RCOR2: variants seen among roughly 807,000 people sequenced by gnomAD.
RCOR2 encodes REST corepressor 2.
In RCOR2, 19 loss-of-function variants were observed where a neutral mutation model predicts 58.9. That is an observed-to-expected ratio of 0.32 (90% confidence interval 0.23 to 0.47). The LOEUF is 0.47. Among genes scored for constraint, RCOR2 ranks in the 20% least tolerant of loss-of-function variants. The pLI, the probability that RCOR2 is intolerant of heterozygous loss-of-function variation, is 1.00. For synonymous variants in RCOR2, 286 were observed against 278.7 expected (o/e 1.03, Z -0.26); for missense variants, 590 against 707.9 (o/e 0.83, Z 1.89).
rs1382727406 is a variant in RCOR2, at chr11:63,916,597, G to C, written c.-141C>G. ...GAGAGGCAGGAGGTCAGCGTGGCTA[G>C]GGTCCGGCGGGGTGGGAGCCCACCT... On this transcript the variant is annotated 5_prime_UTR_variant, in exon 1 of 12. Coordinates refer to ENST00000301459, the MANE Select transcript of RCOR2 (RefSeq NM_173587.4). 1.3e-5 allele frequency: 18 copies of C among 1,374,968 alleles called. No individual in the cohort carries two copies. Among genetic ancestry groups the C allele is most frequent in the Non-Finnish European group, 1.7e-5 (18 of 1,047,294 alleles). The allele number at this position is 1,374,968 out of a possible 1,614,324, so 85.2% of individuals were successfully genotyped here.
At position 63,914,063 on chromosome 11, in the gene RCOR2, T is replaced by C; in HGVS notation, c.782A>G (p.Lys261Arg). Residue 261 changes from lysine to arginine, a missense_variant, in exon 8 of 12, where the codon AAG becomes AGG. This residue lies in a region of RCOR2 where 390 missense variants were observed against 478.7 expected (regional missense o/e 0.81). Coordinates refer to ENST00000301459, the MANE Select transcript of RCOR2 (RefSeq NM_173587.4). ...HPLRTRRRPP[K>R]GMYLSPEGLT... Reference sequence around the variant, plus strand: ...GCCTTCAGGGCTCAGGTACATGCCCTTGGGTGGGCGACGCCGGGTTCGCAA... The same window carrying C: ...GCCTTCAGGGCTCAGGTACATGCCCCTGGGTGGGCGACGCCGGGTTCGCAA... The C allele has an allele frequency of 6.2e-7, 1 of 1,613,796 alleles. No homozygotes were observed.
In RCOR2 at chr11:63,914,509, T is replaced by C; in HGVS notation, c.513A>G (p.Lys171=). 6.2e-7 allele frequency: 1 copy of C among 1,613,736 alleles called. No homozygotes were observed. Among genetic ancestry groups the C allele is most frequent in the Non-Finnish European group, 8.5e-7 (1 of 1,180,006 alleles). Residue 171 remains lysine (K), a synonymous_variant, in exon 6 of 12, where the codon AAA becomes AAG. Coordinates refer to ENST00000301459, the MANE Select transcript of RCOR2 (RefSeq NM_173587.4). ...LPDKLIPSLV[K]YYYSWKKTRS... ...GGGTCTTCTTCCAAGAGTAGTAGTA[T>C]TTCACCAGGCTGGGAATCAACTTGT...
intron 2 of RCOR2, 126 bp downstream of exon 2, chr11:63,915,429 G>A: frequency 8.5e-7 from 1 of 1,175,642 alleles, no homozygotes; most frequent in East Asian, 2.6e-5. Flanking sequence ...AACCATGCTG[G>A]GGGGCCACCC....
Position 63,914,321 on chromosome 11 carries a change from G to C in RCOR2, c.615C>G (p.Leu205=), listed in dbSNP as rs375240729. Residue 205 remains leucine, a synonymous_variant, in exon 7 of 12, where the codon CTC becomes CTG. Transcript: ENST00000301459. ...GRKDKEDSDE[L]EEGRGGVSEG... ...CACTCACGCCTCCTCGACCCTCTTC[G>C]AGCTCATCACTGCTGACACAGGGGC... 2.8e-5 allele frequency: 45 copies of C among 1,613,318 alleles called. No individual in the cohort carries two copies. The highest frequency in any genetic ancestry group is 5.3e-5 in the African/African-American group (4 of 74,844).
the RCOR2 span, among the ~76,000 whole-genome samples, chr11:63,926,716 C>T: frequency 6.6e-6 from 1 of 151,740 alleles, no homozygotes; most frequent in African/African-American, 2.4e-5. Context: ...GAACTCCTGA[C>T]CTCACGATCC....
rs1034497330 is a variant in RCOR2, at chr11:63,915,884, T to C, written c.128-273A>G. Among the ~76,000 whole-genome samples the C allele has an allele frequency of 2.0e-5, 3 of 152,302 alleles. No homozygotes were observed. In the East Asian group the frequency reaches 5.8e-4, roughly 29 times the overall value. ...AGCCCAGGCCAAGCAGGGTGCTTTG[T>C]TCCGGGGGAGGGGAGCGGGGTTGGA... On this transcript the variant is annotated intron_variant, in intron 1 of 11. Coordinates refer to ENST00000301459, the MANE Select transcript of RCOR2 (RefSeq NM_173587.4).
rs1200500336 is a variant in RCOR2 at position 63,911,248 on chromosome 11, A to T, written c.*617T>A. ...AGTAAGCTTAGATTTTATTTTTTTT[A>T]ATTTTTAAAAAATGTTGAAAAATAA... On this transcript the variant is annotated 3_prime_UTR_variant, in exon 12 of 12. Transcript: ENST00000301459. 1 of 152,146 alleles carries T rather than the reference A, an allele frequency of 6.6e-6. No homozygotes were observed. The allele number at this position is 152,146 out of a possible 1,614,324, so 9.4% of individuals were successfully genotyped here. A position where few individuals can be genotyped will look rare whatever the true frequency, so the allele number is the denominator to read the frequency against.
chr11:63,914,290 C>T lies in RCOR2; in HGVS notation c.646G>A (p.Glu216Lys). ...EEGRGGVSEGEPDPADPKREP... is the reference protein window; with the variant it reads ...EEGRGGVSEGKPDPADPKREP... ...CTCTTGGGATCTGCAGGATCGGGCT[C>T]TCCCTCACTCACGCCTCCTCGACCC... The change falls in exon 7 of 12, where the codon GAG (glutamate) becomes AAG (lysine). Residue 216 changes from glutamate (E) to lysine (K), a missense_variant. Physicochemically the swap from Glu to Lys is moderately conservative, Grantham distance 56. Coordinates refer to ENST00000301459, the MANE Select transcript of RCOR2 (RefSeq NM_173587.4). 3.1e-6 allele frequency: 5 copies of T among 1,613,580 alleles called. No homozygotes were observed. The highest frequency in any genetic ancestry group is 2.5e-6 in the Non-Finnish European group (3 of 1,180,004).
Position 63,914,245 on chromosome 11 carries a change from G to A in RCOR2, c.675+16C>T, listed in dbSNP as rs1338315461. 1.9e-6 allele frequency: 3 copies of A among 1,613,372 alleles called. No individual in the cohort carries two copies. Among genetic ancestry groups the A allele is most frequent in the South Asian group, 1.1e-5 (1 of 91,080 alleles). ...AGAGGACAGGCAGGCAGGGCCCAGA[G>A]GCTCTGGGAGCTCACCTCTCTCTTG... On this transcript the variant is annotated intron_variant, in intron 7 of 11. Coordinates refer to ENST00000301459, the MANE Select transcript of RCOR2 (RefSeq NM_173587.4).
chr11:63,912,295 C>T lies in RCOR2; in HGVS notation c.1257+10G>A, dbSNP rs750769856. ...TCCTCTCTGAGGGGTTTCTCTCACC[C>T]CCTTCTCACCTCATCATCTTCCTCT... is the stretch of plus-strand genomic sequence containing the variant. On this transcript the variant is annotated intron_variant, in intron 11 of 11. Transcript: ENST00000301459. The T allele has an allele frequency of 6.2e-7, 1 of 1,608,696 alleles. No homozygotes were observed. The highest frequency in any genetic ancestry group is 1.1e-5 in the South Asian group (1 of 90,980).
upstream of RCOR2, among the ~76,000 whole-genome samples, chr11:63,919,620 G>C (rs530274744): frequency 6.6e-6 from 1 of 152,218 alleles, no homozygotes; most frequent in Non-Finnish European, 1.5e-5. Context: ...GAGGCAGCCC[G>C]GGGACCAGCC....
the RCOR2 span, among the ~76,000 whole-genome samples, chr11:63,924,952 G>C: frequency 6.6e-6 from 1 of 151,516 alleles, no homozygotes; most frequent in African/African-American, 2.4e-5. Context: ...CTGGGTTCAA[G>C]CGATTCTCCT....
At chr11:63,915,140 AC>A in intron 3 of RCOR2, 37 bp downstream of exon 3, 5 of 1,536,936 alleles carry the variant, frequency 3.3e-6, no homozygotes, top group Non-Finnish European at 4.4e-6. Flanking sequence ...GCTGGGATGA[AC>A]CCAAGCCCCC....
At position 63,916,619 on chromosome 11, in the gene RCOR2, A is replaced by C. The variant is rs890336100; in HGVS notation, c.-163T>G. ...CTAGGGTCCGGCGGGGTGGGAGCCC[A>C]CCTGGTAGCCCCAGCGCTCTCCACG... On this transcript the variant is annotated 5_prime_UTR_variant, in exon 1 of 12. Transcript: ENST00000301459. The C allele has an allele frequency of 3.2e-6, 4 of 1,244,894 alleles. No homozygotes were observed. The Admixed American group carries it at 1.2e-4, about 36-fold the overall frequency. The allele number at this position is 1,244,894 out of a possible 1,614,324, so 77.1% of individuals were successfully genotyped here.
At chr11:63,919,285 ACCCCTCCCACCTGCTACAGCCGC>A (rs979325162), upstream of RCOR2, among the ~76,000 whole-genome samples, 6 of 148,752 alleles carry the variant, frequency 4.0e-5, no homozygotes, top group African/African-American at 1.5e-4. Context: ...GCAAGGCCCC[ACCCCTCCCACCTGCTACAGCCGC>A]CCCCTCCCCA....
chr11:63,911,944 C>CG lies in RCOR2; in HGVS notation c.1492dup (p.Arg498ProfsTer58), dbSNP rs1226030398. On this transcript the variant is annotated frameshift_variant, in exon 12 of 12. Transcript: ENST00000301459. LOFTEE classifies it high-confidence loss of function. ...CTGAGGGCCAGGGCGGGCGCTGTGGCGGGGGGCAGCCAGAGCGGGGCGGAT... is the reference window on the plus strand; with the variant it reads ...CTGAGGGCCAGGGCGGGCGCTGTGGCGGGGGGGCAGCCAGAGCGGGGCGGAT... The CG allele has an allele frequency of 5.1e-5, 34 of 662,964 alleles. No individual in the cohort carries two copies. Among genetic ancestry groups the CG allele is most frequent in the Non-Finnish European group, 6.3e-5 (32 of 506,854 alleles). 41.1% of individuals were successfully genotyped at this position (662,964 alleles called of 1,614,324 possible).
At position 63,916,400 on chromosome 11, in the gene RCOR2, C is replaced by T. The variant is rs1353729495; in HGVS notation, c.57G>A (p.Arg19=). The change falls in exon 1 of 12, where the codon CGG becomes CGA. Residue 19 remains arginine, a synonymous_variant. Transcript: ENST00000301459. ...GTCCGCCGTTGGGCACCGTCTTGGC[C>T]CGGCTACGGGACAGGATCCCAGAGC... ...SAGSGILSRS[R]AKTVPNGGQP... 6.2e-7 allele frequency: 1 copy of T among 1,607,654 alleles called. No individual in the cohort carries two copies. The highest frequency in any genetic ancestry group is 8.5e-7 in the Non-Finnish European group (1 of 1,177,818).
chr11:63,924,902 G>T, the RCOR2 span, among the ~76,000 whole-genome samples: 1 of 149,554 alleles, frequency 6.7e-6, no homozygotes, highest in East Asian at 2.0e-4. Flanking sequence ...CCAGGCTGGA[G>T]TGCAATGGCG....
At chr11:63,916,280 T>C (rs1286643457) in intron 1 of RCOR2, 50 bp downstream of exon 1, 2 of 1,374,686 alleles carry the variant, frequency 1.5e-6, no homozygotes, top group African/African-American at 1.4e-5. Flanking sequence ...CCCGCCCCAC[T>C]CCGCTCCCCC....
Sources: gnomAD v4.1 joint callset for allele counts (sites outside exome capture counted in the v4.1 genomes callset) on GRCh38, gnomAD v4.1.1 for gene constraint, gnomAD v4.1.1 regional missense constraint, MANE v1.5 for transcripts, NCBI Gene and HGNC (gene_info 2026-07-23, HGNC 2026-07-21) for gene names.